Variants in C4orf51 observed in about 807,000 individuals in gnomAD.
The protein encoded by C4orf51 is chromosome 4 open reading frame 51.
Under a neutral mutation model 25.2 loss-of-function variants are expected in C4orf51, and 25 were observed. The ratio of observed to expected loss-of-function variants is 0.99; its 90% confidence interval spans 0.72 to 1.39. The LOEUF (loss-of-function observed/expected upper bound fraction) is 1.39. Among genes scored for constraint, C4orf51 ranks in the 40% most tolerant of loss-of-function variants. The pLI, the probability that C4orf51 is intolerant of heterozygous loss-of-function variation, is 0.00. For synonymous variants in C4orf51, 100 were observed against 84.5 expected (o/e 1.18, Z -1.01); for missense variants, 252 against 239.6 (o/e 1.05, Z -0.34).
intron 2 of C4orf51, among the ~76,000 whole-genome samples, chr4:145,701,592 T>G (rs942124811): frequency 6.6e-6 from 1 of 151,198 alleles, no homozygotes; most frequent in East Asian, 1.9e-4. Context: ...AGAAGCCCCC[T>G]AGACCATCAC....
intron 1 of C4orf51, among the ~76,000 whole-genome samples, chr4:145,740,956 A>C (rs1733064976): frequency 6.6e-6 from 1 of 151,998 alleles, no homozygotes; most frequent in Admixed American, 6.6e-5. Context: ...CCCATTGGTG[A>C]GGTAGCAGTG....
At chr4:145,768,859 A>C (rs1463527511) in intron 1 of C4orf51, among the ~76,000 whole-genome samples, 1 of 7,904 alleles carries the variant, frequency 1.3e-4, no homozygotes, top group Non-Finnish European at 2.5e-4. Flanking sequence ...ACTCCGTCTC[A>C]AAAAAAAAAA....
chr4:145,791,275 G>A, the C4orf51 span, among the ~76,000 whole-genome samples: 10 of 152,168 alleles, frequency 6.6e-5, no homozygotes, highest in African/African-American at 2.2e-4. Flanking sequence ...GAAGAGGCAA[G>A]GGGTCTTTTA....
intron 3 of C4orf51, 41 bp downstream of exon 3, chr4:145,727,010 G>A (rs1732099560): frequency 2.0e-6 from 3 of 1,497,644 alleles, no homozygotes; most frequent in Non-Finnish European, 2.8e-6. Flanking sequence ...CCTGTAGAGA[G>A]CTTAAATTAT....
At chr4:145,694,952 CACTAAAG>C (rs1219331736) in intron 1 of C4orf51, among the ~76,000 whole-genome samples, 1 of 152,088 alleles carries the variant, frequency 6.6e-6, no homozygotes, top group Non-Finnish European at 1.5e-5. Context: ...ACAAACAAAT[CACTAAAG>C]ACGATAAGAA....
At chr4:145,710,655 G>C (rs1198423570) in intron 2 of C4orf51, among the ~76,000 whole-genome samples, 1 of 152,188 alleles carries the variant, frequency 6.6e-6, no homozygotes, top group African/African-American at 2.4e-5. Flanking sequence ...GGAAGCTGCT[G>C]ATTACCAGTT....
chr4:145,683,895 T>C (rs1728983173), intron 1 of C4orf51, among the ~76,000 whole-genome samples: 1 of 152,204 alleles, frequency 6.6e-6, no homozygotes, highest in Non-Finnish European at 1.5e-5. Flanking sequence ...AAATAATGGA[T>C]AAGCTGAATT....
chr4:145,774,572 T>C, downstream of C4orf51: 1 of 1,613,338 alleles, frequency 6.2e-7, no homozygotes, highest in Non-Finnish European at 8.5e-7. Context: ...TCGCAGGCAG[T>C]GCAGCAGATC....
At chr4:145,781,879 A>G in the C4orf51 span, among the ~76,000 whole-genome samples, 2 of 152,264 alleles carry the variant, frequency 1.3e-5, no homozygotes, top group East Asian at 3.8e-4. Context: ...ATTGGGTCAA[A>G]TATCAAATAA....
At chr4:145,745,084 T>C (rs1733298254) in intron 1 of C4orf51, among the ~76,000 whole-genome samples, 1 of 152,212 alleles carries the variant, frequency 6.6e-6, no homozygotes, top group Admixed American at 6.5e-5. Context: ...TAAACAATTA[T>C]TTTAATGGGT....
intron 2 of C4orf51, among the ~76,000 whole-genome samples, chr4:145,720,593 C>T (rs896635621): frequency 6.6e-6 from 1 of 152,208 alleles, no homozygotes; most frequent in Non-Finnish European, 1.5e-5. Context: ...TTCCTCCACT[C>T]ATCTCCCCAC....
intron 2 of C4orf51, among the ~76,000 whole-genome samples, chr4:145,708,124 G>A (rs1730931482): frequency 6.6e-6 from 1 of 152,320 alleles, no homozygotes; most frequent in Admixed American, 6.5e-5. Flanking sequence ...CAACCTGGAG[G>A]GGGCTAGTGG....
At chr4:145,681,777 C>T (rs1163436229) in intron 1 of C4orf51, among the ~76,000 whole-genome samples, 2 of 152,252 alleles carry the variant, frequency 1.3e-5, no homozygotes, top group East Asian at 3.9e-4. Flanking sequence ...TAAACAGCCT[C>T]CTCTTGAGAT....
In C4orf51 at chr4:145,717,455, T is replaced by G. The variant is rs536186066; in HGVS notation, c.308-9456T>G. 3.3e-5 allele frequency among the ~76,000 whole-genome samples: 5 copies of G among 152,366 alleles called. No homozygotes were observed. The East Asian group carries it at 9.6e-4, about 29-fold the overall frequency. Reference sequence around the variant, plus strand: ...AATACATCAAAGCAGAACTATTTAATTTACCCAAATGATAATTTCTCCTTG... The same window carrying G: ...AATACATCAAAGCAGAACTATTTAAGTTACCCAAATGATAATTTCTCCTTG... On this transcript the variant is annotated intron_variant, in intron 2 of 5. Coordinates refer to ENST00000438731, the MANE Select transcript of C4orf51 (RefSeq NM_001080531.3).
chr4:145,779,629 A>T, the C4orf51 span: 368,238 of 1,363,660 alleles, frequency 0.27, 51,623 homozygotes, highest in African/African-American at 0.39. Flanking sequence ...AGTAATTGCA[A>T]ATGAGTCTCC....
At chr4:145,743,715 A>G (rs1421601076) in intron 1 of C4orf51, among the ~76,000 whole-genome samples, 1 of 152,174 alleles carries the variant, frequency 6.6e-6, no homozygotes, top group Non-Finnish European at 1.5e-5. Flanking sequence ...TTAGGCATTC[A>G]GTCTCCTTGA....
chr4:145,729,297 A>ATTTTTTTTTTTTTT (rs547075220), intron 4 of C4orf51, 68 bp downstream of exon 4: 4 of 292,924 alleles, frequency 1.4e-5, no homozygotes, highest in South Asian at 7.3e-5. Context: ...TGGTCATGTG[A>ATTTTTTTTTTTTTT]TTTTTTTTTT....
intron 1 of C4orf51, among the ~76,000 whole-genome samples, chr4:145,682,398 T>G (rs1205910148): frequency 6.6e-6 from 1 of 152,198 alleles, no homozygotes; most frequent in African/African-American, 2.4e-5. Flanking sequence ...GACAAATGTC[T>G]TTTTAAGTTC....
chr4:145,744,190 G>A (rs892388148), intron 1 of C4orf51, among the ~76,000 whole-genome samples: 1 of 152,028 alleles, frequency 6.6e-6, no homozygotes, highest in East Asian at 1.9e-4. Context: ...TAGCGTGGAG[G>A]GGGAATCTTG....
Sources: allele counts gnomAD v4.1 joint callset (sites outside exome capture counted in the v4.1 genomes callset), GRCh38; gene constraint gnomAD v4.1.1; transcripts MANE v1.5; gene names NCBI Gene and HGNC (gene_info 2026-07-23, HGNC 2026-07-21).